The following CFAP91 variants were observed in gnomAD, a reference collection of about 807,000 sequenced individuals.
CFAP91 encodes cilia and flagella associated protein 91.
CFAP91 carries 85 observed loss-of-function variants against 95.9 expected under a neutral mutation model. That is an observed-to-expected ratio of 0.89 (90% confidence interval 0.74 to 1.06). The LOEUF (loss-of-function observed/expected upper bound fraction) is 1.06. CFAP91 is among the 50% of genes least tolerant of loss of function. The pLI is 0.00. For synonymous variants in CFAP91, 335 were observed against 327.5 expected (o/e 1.02, Z -0.25); for missense variants, 962 against 943.4 (o/e 1.02, Z -0.26).
At chr3:119,743,932 A>T in intron 13 of CFAP91, 43 bp from the exon 14 acceptor site, 1 of 1,507,602 alleles carries the variant, frequency 6.6e-7, no homozygotes, top group Non-Finnish European at 9.0e-7. Context: ...ATCACCACTC[A>T]TAATGGAATT....
chr3:119,715,405 A>C (rs781187516), intron 5 of CFAP91, 157 bp from the exon 6 acceptor site: 6 of 748,036 alleles, frequency 8.0e-6, no homozygotes, highest in Non-Finnish European at 1.4e-5. Context: ...ATTTGTGCGC[A>C]TAATCCTGGT....
intron 17 of CFAP91, among the ~76,000 whole-genome samples, chr3:119,760,291 AG>A (rs2054513044): frequency 6.6e-6 from 1 of 151,888 alleles, no homozygotes; most frequent in Non-Finnish European, 1.5e-5. Context: ...GAGACCAAAA[AG>A]GTCATTGTGT....
chr3:119,758,684 T>C (rs1169447306), intron 17 of CFAP91, among the ~76,000 whole-genome samples: 1 of 152,128 alleles, frequency 6.6e-6, no homozygotes, highest in African/African-American at 2.4e-5. Flanking sequence ...GATATTTATA[T>C]AAAAGTATAT....
intron 5 of CFAP91, among the ~76,000 whole-genome samples, chr3:119,713,540 T>G (rs1297910985): frequency 6.6e-6 from 1 of 152,158 alleles, no homozygotes; most frequent in Non-Finnish European, 1.5e-5. Flanking sequence ...TCTTTAGTTA[T>G]TTATGTAATT....
At chr3:119,739,450 T>G in intron 12 of CFAP91, 124 bp downstream of exon 12, 1 of 806,446 alleles carries the variant, frequency 1.2e-6, no homozygotes, top group Non-Finnish European at 2.0e-6. Flanking sequence ...AGCTAAACTC[T>G]TGAGTTGCCT....
At chr3:119,709,946 TC>T (rs745870184) in intron 5 of CFAP91, 51 bp downstream of exon 5, 1 of 1,398,400 alleles carries the variant, frequency 7.2e-7, no homozygotes, top group Non-Finnish European at 1.0e-6. Flanking sequence ...ATTGTTTGCT[TC>T]CATATTTTTT....
In CFAP91 at chr3:119,751,042, C is replaced by T. The variant is rs201952221; in HGVS notation, c.2249C>T (p.Ala750Val). Reference sequence around the variant, plus strand: ...TTAACTGAGGGAGAGCAAGATGAGGCCTCAAATGCTGCCATGTTACTTGAG... The same window carrying T: ...TTAACTGAGGGAGAGCAAGATGAGGTCTCAAATGCTGCCATGTTACTTGAG... The part of the protein sequence containing the change: ...KKLTEGEQDE[A>V]SNAAMLLEKE... The change falls in exon 17 of 18, where the codon GCC becomes GTC. Residue 750 changes from alanine (A) to valine (V), a missense_variant. Transcript: ENST00000273390. The T allele has an allele frequency of 1.2e-6, 2 of 1,613,456 alleles. No homozygotes were observed. The highest frequency in any genetic ancestry group is 1.1e-5 in the South Asian group (1 of 90,890).
In CFAP91 at chr3:119,709,867, C is replaced by A. The variant is rs2053442846; in HGVS notation, c.472C>A (p.Pro158Thr). The A allele has an allele frequency of 1.2e-6, 2 of 1,612,386 alleles. No individual in the cohort carries two copies. The highest frequency in any genetic ancestry group is 2.7e-5 in the African/African-American group (2 of 74,872). ...TTTTCTCCCATTTTTTCAGCAGATGCCATTCAATGTTGTTTATGCCGTATC... is the reference window on the plus strand; with the variant it reads ...TTTTCTCCCATTTTTTCAGCAGATGACATTCAATGTTGTTTATGCCGTATC... ...RPFLPFFQQM[P>T]FNVVYAVSKA... Residue 158 changes from proline (P) to threonine (T), a missense_variant, in exon 5 of 18, where the codon CCA (proline) becomes ACA (threonine). Physicochemically the swap from Pro to Thr is conservative, Grantham distance 38 (BLOSUM62 -1). Transcript: ENST00000273390.
chr3:119,735,385 A>G (rs922406258), intron 10 of CFAP91, among the ~76,000 whole-genome samples: 4 of 152,194 alleles, frequency 2.6e-5, no homozygotes, highest in Non-Finnish European at 4.4e-5. Flanking sequence ...TAGGTTAAAC[A>G]TTTCCTTCAA....
In CFAP91 at chr3:119,707,491, C is replaced by A; in HGVS notation, c.289C>A (p.Pro97Thr). The A allele has an allele frequency of 6.3e-7, 1 of 1,597,924 alleles. No individual in the cohort carries two copies. Among genetic ancestry groups the A allele is most frequent in the Non-Finnish European group, 8.6e-7 (1 of 1,168,960 alleles). The change falls in exon 3 of 18, where the codon CCA becomes ACA. Residue 97 changes from proline (P) to threonine (T), a missense_variant. Coordinates refer to ENST00000273390, the MANE Select transcript of CFAP91 (RefSeq NM_033364.4). ...ATATTGGAGCAAGTCAGATCCTGTC[C>A]CACCATTTATCAGTCGGGAATGGAA... ...SLYWSKSDPV[P>T]PFISREWKGH...
intron 3 of CFAP91, among the ~76,000 whole-genome samples, chr3:119,707,782 CA>C (rs1266879688): frequency 1.3e-4 from 18 of 142,336 alleles, no homozygotes; most frequent in Non-Finnish European, 2.3e-4. Context: ...AACTTGCCAC[CA>C]AAGGTAGGGA....
At chr3:119,747,482 ACTTT>A (rs2054244929) in intron 15 of CFAP91, 1 of 565,754 alleles carries the variant, frequency 1.8e-6, no homozygotes, top group South Asian at 2.6e-5. Context: ...CTCATTACTT[ACTTT>A]AAGAATACTC....
At chr3:119,754,104 G>A (rs921289108) in intron 17 of CFAP91, among the ~76,000 whole-genome samples, 8 of 152,174 alleles carry the variant, frequency 5.3e-5, no homozygotes, top group African/African-American at 1.2e-4. Context: ...GAGTTTTGAG[G>A]TACATACTAT....
At chr3:119,719,096 A>G (rs2053632221) in intron 6 of CFAP91, among the ~76,000 whole-genome samples, 1 of 152,254 alleles carries the variant, frequency 6.6e-6, no homozygotes, top group African/African-American at 2.4e-5. Context: ...GGAATTCTAT[A>G]TAATAATGAG....
intron 6 of CFAP91, among the ~76,000 whole-genome samples, chr3:119,723,923 G>A (rs1017382994): frequency 6.6e-6 from 1 of 152,166 alleles, no homozygotes; most frequent in Non-Finnish European, 1.5e-5. Flanking sequence ...ACTTTGGGAG[G>A]CTGAAGCTAG....
rs961287224 is a variant in CFAP91, at chr3:119,705,194, A to G, written c.125-1615A>G. Among the ~76,000 whole-genome samples the G allele has an allele frequency of 1.7e-4, 26 of 152,220 alleles. 1 individual carries two copies. The highest frequency in any genetic ancestry group is 1.2e-3 in the Admixed American group (18 of 15,268). ...TAATTAGCCCTAAAGCTCACCACCA[A>G]TTGTATAGCGTCTTTGTGTATTGTA... On this transcript the variant is annotated intron_variant, in intron 1 of 17. Transcript: ENST00000273390.
In CFAP91 at chr3:119,732,212, A is replaced by C. The variant is rs560744648; in HGVS notation, c.1019-82A>C. ...CATTTCAATAGCTTCTCTGTGAATA[A>C]CACTAGCATTGGCTTACTCTTCTGC... is the stretch of plus-strand genomic sequence containing the variant. On this transcript the variant is annotated intron_variant, in intron 8 of 17. Coordinates refer to ENST00000273390, the MANE Select transcript of CFAP91 (RefSeq NM_033364.4). The C allele has an allele frequency of 9.0e-5, 95 of 1,054,400 alleles. No individual in the cohort carries two copies. The African/African-American group carries it at 9.7e-4, about 11-fold the overall frequency. The allele number at this position is 1,054,400 out of a possible 1,614,324, so 65.3% of individuals were successfully genotyped here.
chr3:119,742,279 G>T (rs1299803739), intron 13 of CFAP91, among the ~76,000 whole-genome samples: 2 of 152,162 alleles, frequency 1.3e-5, no homozygotes, highest in African/African-American at 4.8e-5. Context: ...CTGGATATAT[G>T]CAGGGATCTG....
At chr3:119,761,864 C>G (rs1248473435) in intron 17 of CFAP91, among the ~76,000 whole-genome samples, 1 of 151,846 alleles carries the variant, frequency 6.6e-6, no homozygotes, top group East Asian at 1.9e-4. Context: ...CCATATATGA[C>G]AAACCCACAA....
Sources: gnomAD v4.1 joint callset for allele counts (sites outside exome capture counted in the v4.1 genomes callset) on GRCh38, gnomAD v4.1.1 for gene constraint, MANE v1.5 for transcripts, NCBI Gene and HGNC (gene_info 2026-07-23, HGNC 2026-07-21) for gene names.